The following PDE1A variants were observed in gnomAD, a reference collection of about 807,000 sequenced individuals.
PDE1A encodes phosphodiesterase 1A.
Under a neutral mutation model 61.7 loss-of-function variants are expected in PDE1A, and 35 were observed. The observed-to-expected ratio is 0.57, with a 90% confidence interval of 0.43 to 0.75. PDE1A has a LOEUF of 0.75. Ranked by LOEUF, PDE1A falls within the 30% of genes least tolerant of loss-of-function variation. PDE1A has a pLI of 0.00. For synonymous variants in PDE1A, 232 were observed against 213.2 expected (o/e 1.09, Z -0.77); for missense variants, 597 against 630.6 (o/e 0.95, Z 0.57).
chr2:182,520,834 A>G (rs1690518386), intron 2 of PDE1A, among the ~76,000 whole-genome samples: 1 of 151,958 alleles, frequency 6.6e-6, no homozygotes, highest in Non-Finnish European at 1.5e-5. Flanking sequence ...AACACAAATC[A>G]TCTGCTGACT....
At chr2:182,238,649 T>C (rs1021339951) in intron 3 of PDE1A, among the ~76,000 whole-genome samples, 3 of 152,204 alleles carry the variant, frequency 2.0e-5, no homozygotes. Context: ...CACCTACTAG[T>C]GGGGATTCAA....
At chr2:182,326,480 CTG>C (rs1376271650) in intron 1 of PDE1A, among the ~76,000 whole-genome samples, 1 of 152,156 alleles carries the variant, frequency 6.6e-6, no homozygotes, top group Non-Finnish European at 1.5e-5. Flanking sequence ...AAGATGAACA[CTG>C]TATGATTCTT....
intron 1 of PDE1A, among the ~76,000 whole-genome samples, chr2:182,358,942 C>A (rs192255585): frequency 5.3e-5 from 8 of 152,110 alleles, no homozygotes; most frequent in African/African-American, 1.9e-4. Flanking sequence ...CATCTTCCTT[C>A]CATTCCCTTT....
chr2:182,571,219 A>G, the PDE1A span, among the ~76,000 whole-genome samples: 1 of 152,218 alleles, frequency 6.6e-6, no homozygotes, highest in Non-Finnish European at 1.5e-5. Flanking sequence ...TTAGTTTGCA[A>G]TTCAAACCTT....
At chr2:182,602,981 T>TCACACACACACACA in the PDE1A span, among the ~76,000 whole-genome samples, 341 of 148,770 alleles carry the variant, frequency 2.3e-3, no homozygotes, top group African/African-American at 8.1e-3. Context: ...CTAAAATACA[T>TCACACACACACACA]CACACACACA....
the PDE1A span, among the ~76,000 whole-genome samples, chr2:182,681,575 T>TAA: frequency 2.1e-5 from 3 of 143,968 alleles, no homozygotes; most frequent in Admixed American, 6.9e-5. Context: ...ACCTCTAAAT[T>TAA]AAAAAAAAAA....
chr2:182,664,228 T>C, the PDE1A span, among the ~76,000 whole-genome samples: 5 of 152,184 alleles, frequency 3.3e-5, no homozygotes, highest in Admixed American at 2.6e-4. Context: ...TGAGAACATC[T>C]GATAAAGTCA....
chr2:182,624,162 T>C, the PDE1A span, among the ~76,000 whole-genome samples: 1 of 151,568 alleles, frequency 6.6e-6, no homozygotes, highest in African/African-American at 2.4e-5. Context: ...AGGTTTTGGT[T>C]TTATTCCCAT....
chr2:182,611,015 G>A, the PDE1A span, among the ~76,000 whole-genome samples: 1 of 152,138 alleles, frequency 6.6e-6, no homozygotes, highest in Non-Finnish European at 1.5e-5. Context: ...CTCATTTGTC[G>A]TCTGAAAATT....
chr2:182,562,058 T>A, the PDE1A span, among the ~76,000 whole-genome samples: 1 of 150,416 alleles, frequency 6.6e-6, no homozygotes. Flanking sequence ...TTCCTTCTCC[T>A]GCCTGATTGC....
the PDE1A span, among the ~76,000 whole-genome samples, chr2:182,632,722 A>G: frequency 4.6e-5 from 7 of 152,186 alleles, no homozygotes; most frequent in Non-Finnish European, 7.4e-5. Flanking sequence ...TGTTTATAAA[A>G]GTTCAAATTA....
At chr2:182,641,551 T>A in the PDE1A span, among the ~76,000 whole-genome samples, 5 of 152,212 alleles carry the variant, frequency 3.3e-5, no homozygotes, top group Non-Finnish European at 7.4e-5. Flanking sequence ...TGGACTTTTA[T>A]TCATCTCATT....
chr2:182,162,764 A>G (rs1691450643), intron 13 of PDE1A, among the ~76,000 whole-genome samples: 1 of 152,176 alleles, frequency 6.6e-6, no homozygotes, highest in African/African-American at 2.4e-5. Flanking sequence ...CAGTTATAGT[A>G]GAGGTTAGGG....
chr2:182,534,300 T>C, the PDE1A span, among the ~76,000 whole-genome samples: 1 of 152,004 alleles, frequency 6.6e-6, no homozygotes, highest in South Asian at 2.1e-4. Flanking sequence ...AAGAATTCTC[T>C]AATGAATAGT....
the PDE1A span, among the ~76,000 whole-genome samples, chr2:182,541,578 A>C: frequency 6.6e-6 from 1 of 152,168 alleles, no homozygotes; most frequent in Non-Finnish European, 1.5e-5. Flanking sequence ...TAAATGCAAT[A>C]TATTATGCTA....
chr2:182,575,916 C>G, the PDE1A span, among the ~76,000 whole-genome samples: 1 of 145,498 alleles, frequency 6.9e-6, no homozygotes, highest in Non-Finnish European at 1.5e-5. Context: ...TATATAGTAT[C>G]ATATTATTAT....
the PDE1A span, among the ~76,000 whole-genome samples, chr2:182,716,694 T>TAAAG: frequency 2.0e-5 from 3 of 152,200 alleles, no homozygotes; most frequent in Non-Finnish European, 2.9e-5. Context: ...TACTTACACT[T>TAAAG]TCTCCCTAAG....
chr2:182,211,269 G>T (rs1238701742), intron 7 of PDE1A, among the ~76,000 whole-genome samples: 1 of 152,174 alleles, frequency 6.6e-6, no homozygotes, highest in African/African-American at 2.4e-5. Context: ...TTATTGAAAA[G>T]ATTATTTTTG....
At chr2:182,465,401 A>G (rs1391084787) in intron 2 of PDE1A, among the ~76,000 whole-genome samples, 1 of 150,728 alleles carries the variant, frequency 6.6e-6, no homozygotes, top group Non-Finnish European at 1.5e-5. Flanking sequence ...GCAGTGTCTC[A>G]AAAAAATTTT....
Sources: allele counts gnomAD v4.1 joint callset (sites outside exome capture counted in the v4.1 genomes callset), GRCh38; gene constraint gnomAD v4.1.1; transcripts MANE v1.5; gene names NCBI Gene and HGNC (gene_info 2026-07-23, HGNC 2026-07-21).